The following GLIS3 variants were observed in gnomAD, a reference collection of about 807,000 sequenced individuals.
The protein encoded by GLIS3 is GLIS family zinc finger 3.
GLIS3 carries 53 observed loss-of-function variants against 78.6 expected under a neutral mutation model. The ratio of observed to expected loss-of-function variants is 0.67; its 90% CI spans 0.54 to 0.85. The LOEUF (loss-of-function observed/expected upper bound fraction) is 0.85, where lower values mean the gene tolerates loss of function less well. Ranked by LOEUF, GLIS3 falls within the 40% of genes least tolerant of loss-of-function variation. The probability of loss-of-function intolerance (pLI) is 0.00; values close to 1 mark genes in which losing one functional copy is unlikely to be tolerated. For synonymous variants in GLIS3, 684 were observed against 509.9 expected, an observed-to-expected ratio of 1.34 and a Z score of -4.60; for missense variants, 1,703 against 1,231.1, an observed-to-expected ratio of 1.38 and a Z score of -5.74.
chr9:3,838,970 G>A (rs1213328052), intron 9 of GLIS3, among the ~76,000 whole-genome samples: 1 of 152,052 alleles, frequency 6.6e-6, no homozygotes, highest in Non-Finnish European at 1.5e-5. Context: ...TAGTCTTTGG[G>A]GTCGCATCTA....
chr9:3,980,478 T>C (rs558114264), intron 4 of GLIS3, among the ~76,000 whole-genome samples: 2 of 152,280 alleles, frequency 1.3e-5, no homozygotes, highest in Admixed American at 6.5e-5. Context: ...TAATTCAAAT[T>C]TGATGGAGCT....
chr9:4,071,981 C>G (rs1450088636), intron 4 of GLIS3: 3 of 152,144 alleles, frequency 2.0e-5, no homozygotes, highest in Admixed American at 1.3e-4. Flanking sequence ...GTAGAACTCG[C>G]TTTGGCCAGA....
intron 8 of GLIS3, among the ~76,000 whole-genome samples, chr9:3,866,974 G>A (rs1374546132): frequency 6.6e-6 from 1 of 152,152 alleles, no homozygotes; most frequent in African/African-American, 2.4e-5. Context: ...TAGGGAGGAG[G>A]ATTGGAGTTG....
chr9:4,288,954 G>C (rs1828224804), intron 1 of GLIS3, among the ~76,000 whole-genome samples: 2 of 151,974 alleles, frequency 1.3e-5, no homozygotes, highest in Admixed American at 6.6e-5. Flanking sequence ...TCAAACATTA[G>C]ATATTAGAAT....
the GLIS3 span, among the ~76,000 whole-genome samples, chr9:4,429,487 C>T: frequency 6.6e-6 from 1 of 152,178 alleles, no homozygotes; most frequent in Non-Finnish European, 1.5e-5. Context: ...ACCTTCAGAT[C>T]TCAACTTAGC....
At chr9:4,195,244 G>T (rs780150844) in intron 2 of GLIS3, among the ~76,000 whole-genome samples, 1 of 112,056 alleles carries the variant, frequency 8.9e-6, no homozygotes, top group Non-Finnish European at 1.8e-5. Context: ...GGGAGCCCCT[G>T]TCTGGGCTGG....
chr9:4,118,702 G>A lies in GLIS3; in HGVS notation c.776C>T (p.Ser259Phe), dbSNP rs1831939062. Reference protein sequence around the residue: ...GDLLSLPPGTSMSSNSVSNSL... With the variant: ...GDLLSLPPGTFMSSNSVSNSL... ...GTTAGAGACACTATTGCTGGACATG[G>A]ATGTCCCGGGAGGAAGGCTAAGGAG... is the stretch of plus-strand genomic sequence containing the variant. The change falls in exon 4 of 11, where the codon TCC becomes TTC. Residue 259 changes from serine (S) to phenylalanine (F), a missense_variant. Ser to Phe is a radical substitution (Grantham distance 155). Coordinates refer to ENST00000381971, the MANE Select transcript of GLIS3 (RefSeq NM_001042413.2). This position sits in a 1 kb window ranked among gnomAD's most constrained non-coding sequence, Gnocchi z 4.7. 4 of 1,613,908 alleles carry A rather than the reference G, an allele frequency of 2.5e-6. No individual in the cohort carries two copies. The highest frequency in any genetic ancestry group is 3.4e-6 in the Non-Finnish European group (4 of 1,179,958).
chr9:4,024,501 T>C (rs1394549785), intron 4 of GLIS3, among the ~76,000 whole-genome samples: 1 of 152,120 alleles, frequency 6.6e-6, no homozygotes, highest in Non-Finnish European at 1.5e-5. Flanking sequence ...ACTGCTTAAA[T>C]CTAATTAGGG....
In GLIS3 at chr9:4,347,714, T is replaced by TTTTGG. The variant is rs781064075; in HGVS notation, n.161+513_161+517dup. Among the ~76,000 whole-genome samples, 3 of 152,280 alleles carry TTTTGG rather than the reference T, an allele frequency of 2.0e-5. No homozygotes were observed. The South Asian group carries it at 6.2e-4, about 32-fold the overall frequency. The stretch of plus-strand genomic sequence containing the variant: ...ACATGGTAGCTTTTTGTTTGTTTGT[T>TTTTGG]TTTGGTTTGGTTTTTTTGAGGTTTT... On this transcript the variant is annotated intron_variant and non_coding_transcript_variant, in intron 1 of 4. Transcript: ENST00000471664.
At chr9:3,973,273 T>A (rs1327375929) in intron 4 of GLIS3, among the ~76,000 whole-genome samples, 1 of 152,132 alleles carries the variant, frequency 6.6e-6, no homozygotes, top group Non-Finnish European at 1.5e-5. Flanking sequence ...CTTTGGTGTC[T>A]AGAGTTTTTA....
At chr9:4,364,005 G>A in the GLIS3 span, among the ~76,000 whole-genome samples, 763 of 152,268 alleles carry the variant, frequency 5.0e-3, 4 homozygotes, top group Middle Eastern at 0.017. Context: ...CCCTTTGGTA[G>A]CCTTGGTTCA....
chr9:4,202,805 T>A (rs1586963964), intron 2 of GLIS3, among the ~76,000 whole-genome samples: 1 of 152,220 alleles, frequency 6.6e-6, no homozygotes, highest in African/African-American at 2.4e-5. Flanking sequence ...GTTCACCATA[T>A]ACAAAAATTA....
chr9:4,306,455 C>T (rs12006515), intron 4 of GLIS3, among the ~76,000 whole-genome samples: 5 of 152,194 alleles, frequency 3.3e-5, no homozygotes, highest in African/African-American at 1.2e-4. Context: ...GTAGTTTATC[C>T]ATTTGGTTGT....
intron 8 of GLIS3, among the ~76,000 whole-genome samples, chr9:3,873,395 G>A (rs1821089359): frequency 6.6e-6 from 1 of 152,106 alleles, no homozygotes; most frequent in Non-Finnish European, 1.5e-5. Context: ...TTATACGAGG[G>A]AAGCAAGGAT....
intron 4 of GLIS3, among the ~76,000 whole-genome samples, chr9:3,964,931 T>G (rs1012013807): frequency 7.9e-5 from 12 of 152,150 alleles, no homozygotes; most frequent in African/African-American, 2.9e-4. Context: ...CTAAGGGTAT[T>G]GTTGCCTGTT....
At chr9:4,271,876 A>T (rs1826546511) in intron 2 of GLIS3, among the ~76,000 whole-genome samples, 1 of 152,240 alleles carries the variant, frequency 6.6e-6, no homozygotes, top group Non-Finnish European at 1.5e-5. Context: ...ACCTGGATTC[A>T]GTTCCCAGCT....
At chr9:4,194,296 G>A (rs1230962137) in intron 2 of GLIS3, among the ~76,000 whole-genome samples, 1 of 152,068 alleles carries the variant, frequency 6.6e-6, no homozygotes, top group African/African-American at 2.4e-5. Flanking sequence ...CTGAGCTCAG[G>A]CAATCTGCCC....
chr9:4,334,383 G>C (rs1383044842), intron 2 of GLIS3, among the ~76,000 whole-genome samples: 2 of 152,208 alleles, frequency 1.3e-5, no homozygotes, highest in African/African-American at 4.8e-5. Flanking sequence ...AGAAAAGGTT[G>C]GCTGTCAAGG....
At chr9:4,019,794 G>T (rs1302488112) in intron 4 of GLIS3, among the ~76,000 whole-genome samples, 1 of 152,086 alleles carries the variant, frequency 6.6e-6, no homozygotes, top group African/African-American at 2.4e-5. Flanking sequence ...GTGCAGTGGG[G>T]CAATCACAGC....
Sources: allele counts gnomAD v4.1 joint callset (sites outside exome capture counted in the v4.1 genomes callset), GRCh38; gene constraint gnomAD v4.1.1; non-coding constraint Gnocchi (gnomAD v3.1); transcripts MANE v1.5; gene names NCBI Gene and HGNC (gene_info 2026-07-23, HGNC 2026-07-21).